KIAA0586: variants seen among roughly 807,000 people sequenced by gnomAD.
KIAA0586 encodes KIAA0586.
A neutral mutation model predicts 169.8 loss-of-function variants in KIAA0586; 144 were observed. That is an observed-to-expected ratio of 0.85 (90% confidence interval 0.74 to 0.97). KIAA0586 has a LOEUF of 0.97. Among genes scored for constraint, KIAA0586 ranks in the 50% least tolerant of loss-of-function variants. The probability of loss-of-function intolerance (pLI) is 0.00; values close to 1 mark genes in which losing one functional copy is unlikely to be tolerated. For missense variants in KIAA0586, 1,854 were observed against 1,823.0 expected (o/e 1.02, Z -0.31); for synonymous variants, 625 against 612.4 (o/e 1.02, Z -0.30).
upstream of KIAA0586, chr14:58,427,712 A>G: frequency 6.5e-7 from 1 of 1,535,098 alleles, no homozygotes; most frequent in Non-Finnish European, 8.7e-7. Context: ...ACCTGCGGGC[A>G]ACTGACGCTG....
chr14:58,536,303 C>T lies in KIAA0586; in HGVS notation c.4430-3768C>T, dbSNP rs146135247. ...TTATTTTTCAACCCTGCCCCCCCTT[C>T]GCTGGCTTTTGGAGTTTTCATCGTG... is the stretch of plus-strand genomic sequence containing the variant. On this transcript the variant is annotated intron_variant, in intron 29 of 30. Transcript: ENST00000652326. Among the ~76,000 whole-genome samples the T allele has an allele frequency of 9.9e-5, 15 of 152,120 alleles. 1 individual carries two copies. Among genetic ancestry groups the T allele is most frequent in the Middle Eastern group, 6.8e-3 (2 of 294 alleles).
At position 58,446,261 on chromosome 14, in the gene KIAA0586, C is replaced by T. The variant is rs571135000; in HGVS notation, c.808-2079C>T. ...CTATAATCCCAGCACTTTGGGAGGCCGAGGTGGGTGGATCACTTGAGGTCA... is the reference window on the plus strand; with the variant it reads ...CTATAATCCCAGCACTTTGGGAGGCTGAGGTGGGTGGATCACTTGAGGTCA... On this transcript the variant is annotated intron_variant, in intron 6 of 30. Coordinates refer to ENST00000652326, the MANE Select transcript of KIAA0586 (RefSeq NM_001329943.3). Among the ~76,000 whole-genome samples the T allele has an allele frequency of 2.6e-5, 4 of 151,572 alleles. No individual in the cohort carries two copies. In the East Asian group the frequency reaches 7.8e-4, roughly 30 times the overall value.
Position 58,488,510 on chromosome 14 carries a change from A to C in KIAA0586, c.3528-111A>C, listed in dbSNP as rs2042623213. 2.4e-6 allele frequency: 3 copies of C among 1,264,258 alleles called. No homozygotes were observed. The East Asian group carries it at 7.0e-5, about 30-fold the overall frequency. The allele number at this position is 1,264,258 out of a possible 1,614,324, so 78.3% of individuals were successfully genotyped here. On this transcript the variant is annotated intron_variant, in intron 23 of 30. Transcript: ENST00000652326. ...TTGTTAATTATAGTAGTGCAGATTT[A>C]AAAAAATATTTTGCTAAAGGAGACA... is the stretch of plus-strand genomic sequence containing the variant.
intron 6 of KIAA0586, among the ~76,000 whole-genome samples, chr14:58,444,625 T>A (rs1042502741): frequency 3.3e-5 from 5 of 152,042 alleles, no homozygotes; most frequent in African/African-American, 1.2e-4. Flanking sequence ...GGTTTCACCA[T>A]GTTGGTCAGG....
At chr14:58,512,154 T>C (rs1264656861) in intron 28 of KIAA0586, among the ~76,000 whole-genome samples, 2 of 152,170 alleles carry the variant, frequency 1.3e-5, no homozygotes, top group African/African-American at 4.8e-5. Context: ...AAAGTGGTTA[T>C]ATGGAAGAGT....
intron 16 of KIAA0586, among the ~76,000 whole-genome samples, chr14:58,468,893 C>T (rs1264937296): frequency 6.6e-6 from 1 of 152,168 alleles, no homozygotes; most frequent in Non-Finnish European, 1.5e-5. Context: ...TGAGCCAGGA[C>T]AAATGAGTTT....
chr14:58,557,320 G>A, the KIAA0586 span, among the ~76,000 whole-genome samples: 1 of 152,176 alleles, frequency 6.6e-6, no homozygotes, highest in Non-Finnish European at 1.5e-5. Flanking sequence ...TATAGAAGAG[G>A]GAGTCAATGG....
At chr14:58,486,942 T>G in intron 21 of KIAA0586, 65 bp from the exon 22 acceptor site, 1 of 1,340,700 alleles carries the variant, frequency 7.5e-7, no homozygotes, top group Non-Finnish European at 1.0e-6. Flanking sequence ...TGAGTTCATA[T>G]TATTTTCAAA....
chr14:58,520,199 A>G (rs1023755503), intron 29 of KIAA0586, among the ~76,000 whole-genome samples: 3 of 152,190 alleles, frequency 2.0e-5, no homozygotes, highest in Non-Finnish European at 4.4e-5. Context: ...TTAAATTGAG[A>G]TATAATTCAC....
rs575307781 is a variant in KIAA0586 at position 58,531,202 on chromosome 14, C to T, written c.4430-8869C>T. ...ATTAGCCGGGCATGGTGGTGGGCAC[C>T]TGTAGTCCCAGCTACTTTGGAGGCT... On this transcript the variant is annotated intron_variant, in intron 29 of 30. Coordinates refer to ENST00000652326, the MANE Select transcript of KIAA0586 (RefSeq NM_001329943.3). 9.2e-4 allele frequency among the ~76,000 whole-genome samples: 139 copies of T among 151,452 alleles called. 1 individual carries two copies. The highest frequency in any genetic ancestry group is 2.6e-3 in the African/African-American group (109 of 41,348).
At position 58,443,995 on chromosome 14, in the gene KIAA0586, A is replaced by G; in HGVS notation, c.627A>G (p.Glu209=). The G allele has an allele frequency of 6.2e-7, 1 of 1,610,774 alleles. No individual in the cohort carries two copies. Among genetic ancestry groups the G allele is most frequent in the Non-Finnish European group, 8.5e-7 (1 of 1,178,070 alleles). ...DLEAKVNSVT[E]LLSKLQETDK... The stretch of plus-strand genomic sequence containing the variant: ...AAGCAAAAGTCAATTCTGTTACAGA[A>G]TTACTTAGTAAATTACAGGAGACTG... Residue 209 remains glutamate, a synonymous_variant, in exon 6 of 31, where the codon GAA becomes GAG. Transcript: ENST00000652326.
At chr14:58,475,010 C>T (rs1339254081) in intron 19 of KIAA0586, among the ~76,000 whole-genome samples, 2 of 152,208 alleles carry the variant, frequency 1.3e-5, no homozygotes, top group Non-Finnish European at 2.9e-5. Flanking sequence ...AATCTGTCTA[C>T]TCTGGCACAA....
intron 21 of KIAA0586, among the ~76,000 whole-genome samples, chr14:58,484,890 TTATATATATATA>T (rs2042278433): frequency 2.2e-4 from 7 of 32,288 alleles, no homozygotes; most frequent in African/African-American, 9.4e-4. Flanking sequence ...ATATATATAT[TTATATATATATA>T]TATATATATA....
chr14:58,467,319 A>C (rs1211366468), intron 15 of KIAA0586, among the ~76,000 whole-genome samples: 1 of 152,230 alleles, frequency 6.6e-6, no homozygotes, highest in African/African-American at 2.4e-5. Context: ...AAGGCTACAC[A>C]GCTAGAATGG....
intron 4 of KIAA0586, among the ~76,000 whole-genome samples, chr14:58,436,188 GA>G (rs2037809205): frequency 6.6e-6 from 1 of 152,092 alleles, no homozygotes. Flanking sequence ...TGAAAAAGAG[GA>G]GGCAAAGTTA....
At chr14:58,463,851 A>T in intron 14 of KIAA0586, 1 of 267,654 alleles carries the variant, frequency 3.7e-6, no homozygotes, top group Non-Finnish European at 7.6e-6. Flanking sequence ...TAGATACATT[A>T]AAAAATTAGA....
chr14:58,460,119 T>C lies in KIAA0586; in HGVS notation c.1884+49T>C, dbSNP rs1267597629. On this transcript the variant is annotated intron_variant, in intron 13 of 30. Transcript: ENST00000652326. ...AACATAATTGTTGTGTTATAATTGA[T>C]CATTTCCTTTAAGAGATAAATAATG... The C allele has an allele frequency of 6.8e-5, 74 of 1,087,560 alleles. No individual in the cohort carries two copies. In the East Asian group the frequency reaches 1.9e-3, roughly 27 times the overall value. 67.4% of individuals were successfully genotyped at this position (1,087,560 alleles called of 1,614,324 possible).
chr14:58,532,097 T>C (rs1331279881), intron 29 of KIAA0586, among the ~76,000 whole-genome samples: 1 of 151,682 alleles, frequency 6.6e-6, no homozygotes, highest in Non-Finnish European at 1.5e-5. Context: ...GATGGGTTGA[T>C]GGGTGCAGCA....
intron 15 of KIAA0586, among the ~76,000 whole-genome samples, chr14:58,467,286 CA>C (rs2040843235): frequency 6.6e-6 from 1 of 152,070 alleles, no homozygotes; most frequent in African/African-American, 2.4e-5. Context: ...AACTGAAGCA[CA>C]AAAGGGTTAC....
Sources: allele counts gnomAD v4.1 joint callset (sites outside exome capture counted in the v4.1 genomes callset), GRCh38; gene constraint gnomAD v4.1.1; transcripts MANE v1.5; gene names NCBI Gene and HGNC (gene_info 2026-07-23, HGNC 2026-07-21).